The following CDH8 variants were observed in gnomAD, a reference collection of about 807,000 sequenced individuals.
The protein encoded by CDH8 is cadherin-8.
A neutral mutation model predicts 68.1 loss-of-function variants in CDH8; 17 were observed. The ratio of observed to expected loss-of-function variants is 0.25; its 90% CI spans 0.17 to 0.37. CDH8 has a LOEUF of 0.37. Ranked by LOEUF, CDH8 falls within the 10% of genes least tolerant of loss-of-function variation. The probability of loss-of-function intolerance (pLI) is 1.00; values close to 1 mark genes in which losing one functional copy is unlikely to be tolerated. For synonymous variants in CDH8, 372 were observed against 365.1 expected (o/e 1.02, Z -0.21); for missense variants, 763 against 999.3 (o/e 0.76, Z 3.19).
chr16:61,670,032 G>C (rs1280518785), intron 10 of CDH8, among the ~76,000 whole-genome samples: 1 of 151,892 alleles, frequency 6.6e-6, no homozygotes, highest in Non-Finnish European at 1.5e-5. Flanking sequence ...AGATTCAATC[G>C]TTCAATAATG....
At chr16:61,759,483 C>G (rs1030033627) in intron 8 of CDH8, among the ~76,000 whole-genome samples, 2 of 151,886 alleles carry the variant, frequency 1.3e-5, no homozygotes, top group Admixed American at 6.6e-5. Context: ...GGGAACAGAA[C>G]CAAGAGCCAT....
At chr16:61,932,264 CATATT>C (rs1269357011) in intron 2 of CDH8, among the ~76,000 whole-genome samples, 2 of 148,522 alleles carry the variant, frequency 1.3e-5, no homozygotes, top group African/African-American at 4.9e-5. Context: ...ATGACCATAA[CATATT>C]ATTAATTTAA....
intron 2 of CDH8, among the ~76,000 whole-genome samples, chr16:61,950,585 C>G (rs1281208838): frequency 6.6e-6 from 1 of 152,120 alleles, no homozygotes; most frequent in African/African-American, 2.4e-5. Flanking sequence ...TCTTAACTTT[C>G]CTTTGAAAAT....
At chr16:61,771,472 CAAAA>C (rs11355312) in intron 8 of CDH8, among the ~76,000 whole-genome samples, 3 of 62,264 alleles carry the variant, frequency 4.8e-5, no homozygotes, top group East Asian at 4.5e-4. Context: ...AAAAGCCAGC[CAAAA>C]AAAAAAAAAA....
rs529817119 is a variant in CDH8 at position 62,034,698 on chromosome 16, C to T, written c.-200+1382G>A. Among the ~76,000 whole-genome samples, 4 of 152,228 alleles carry T rather than the reference C, an allele frequency of 2.6e-5. No individual in the cohort carries two copies. In the South Asian group the frequency reaches 8.3e-4, roughly 32 times the overall value. On this transcript the variant is annotated intron_variant, in intron 1 of 11. Coordinates refer to ENST00000577390, the MANE Select transcript of CDH8 (RefSeq NM_001796.5). The stretch of plus-strand genomic sequence containing the variant: ...GCGCTAAGGGATTGTCGAATCATGC[C>T]TCCTAAGGAGGAAACTCTTGTGGAA...
chr16:61,779,012 G>A (rs1440870782), intron 8 of CDH8, among the ~76,000 whole-genome samples: 2 of 152,140 alleles, frequency 1.3e-5, no homozygotes. Flanking sequence ...TGTGCAGCCC[G>A]CTGTAGTGGG....
chr16:61,986,674 G>A (rs1383844348), intron 2 of CDH8, among the ~76,000 whole-genome samples: 2 of 152,152 alleles, frequency 1.3e-5, no homozygotes, highest in African/African-American at 4.8e-5. Flanking sequence ...GAGCAGAGGA[G>A]GGCAGGGAGT....
chr16:61,977,513 G>C (rs1510164), intron 2 of CDH8, among the ~76,000 whole-genome samples: 18,717 of 152,090 alleles, frequency 0.12, 1,734 homozygotes, highest in African/African-American at 0.25. Flanking sequence ...CTATAAAAGT[G>C]TGAGTCTGAG....
chr16:62,031,931 T>C (rs1902337414), intron 1 of CDH8: 1 of 152,160 alleles, frequency 6.6e-6, no homozygotes, highest in African/African-American at 2.4e-5. Context: ...GTTCAACTAA[T>C]TTTCTCTTCA....
intron 4 of CDH8, among the ~76,000 whole-genome samples, chr16:61,840,520 C>A (rs1174332906): frequency 6.6e-6 from 1 of 152,130 alleles, no homozygotes; most frequent in Non-Finnish European, 1.5e-5. Flanking sequence ...CTCAGTATTT[C>A]TAAATATTTT....
intron 1 of CDH8, 61 bp downstream of exon 1, chr16:62,036,019 C>A (rs937349098): frequency 6.6e-6 from 1 of 152,312 alleles, no homozygotes; most frequent in African/African-American, 2.4e-5. Flanking sequence ...CTATAAGAAA[C>A]GGTCCCTTCT....
chr16:61,874,439 C>T (rs1048762846), intron 3 of CDH8, among the ~76,000 whole-genome samples: 4 of 151,996 alleles, frequency 2.6e-5, no homozygotes, highest in African/African-American at 9.7e-5. Context: ...TCAGGCCATT[C>T]TCCTGCCTCA....
At chr16:61,912,405 T>C (rs1343548969) in intron 2 of CDH8, among the ~76,000 whole-genome samples, 1 of 152,076 alleles carries the variant, frequency 6.6e-6, no homozygotes, top group Admixed American at 6.6e-5. Context: ...TGCAGAAGCT[T>C]GTGACAAAAA....
intron 2 of CDH8, among the ~76,000 whole-genome samples, chr16:62,009,344 G>T (rs1393668356): frequency 5.3e-5 from 8 of 152,120 alleles, no homozygotes; most frequent in African/African-American, 1.9e-4. Flanking sequence ...TTTGGAAAAA[G>T]ACTTATAAAG....
chr16:61,718,104 C>T (rs543260520), intron 9 of CDH8, among the ~76,000 whole-genome samples: 1 of 151,410 alleles, frequency 6.6e-6, no homozygotes, highest in South Asian at 2.1e-4. Context: ...TGCCAGGCGT[C>T]CTCAAAACCT....
rs1333292377 is a variant in CDH8 at position 61,652,884 on chromosome 16, C to G, written c.*724G>C. The G allele has an allele frequency of 1.8e-5, 27 of 1,524,652 alleles. No individual in the cohort carries two copies. The Admixed American group carries it at 5.2e-4, about 30-fold the overall frequency. The allele number at this position is 1,524,652 out of a possible 1,614,324, so 94.4% of individuals were successfully genotyped here. On this transcript the variant is annotated 3_prime_UTR_variant, in exon 12 of 12. Coordinates refer to ENST00000577390, the MANE Select transcript of CDH8 (RefSeq NM_001796.5). ...GTGGAAGAAGATGAAGAGGAGGGAA[C>G]GAGGAATCCTGCTTCTAGAAAACAA...
At chr16:61,681,390 A>T (rs138150591) in intron 10 of CDH8, among the ~76,000 whole-genome samples, 1 of 152,048 alleles carries the variant, frequency 6.6e-6, no homozygotes, top group African/African-American at 2.4e-5. Flanking sequence ...AATGAGCCTC[A>T]AACTCACTAC....
intron 2 of CDH8, among the ~76,000 whole-genome samples, chr16:61,985,918 C>CTTTTTTTTTT (rs71134380): frequency 6.9e-4 from 63 of 91,112 alleles, no homozygotes; most frequent in African/African-American, 8.9e-4. Flanking sequence ...CCTTTCTTTA[C>CTTTTTTTTTT]TTTTTTTTTT....
At chr16:62,035,844 A>T (rs1448505692) in intron 1 of CDH8, among the ~76,000 whole-genome samples, 2 of 152,188 alleles carry the variant, frequency 1.3e-5, no homozygotes, top group Non-Finnish European at 2.9e-5. Context: ...ATCTGTTGTC[A>T]AAGCAGTTTG....
Sources: allele counts gnomAD v4.1 joint callset (sites outside exome capture counted in the v4.1 genomes callset), GRCh38; gene constraint gnomAD v4.1.1; transcripts MANE v1.5; gene names NCBI Gene and HGNC (gene_info 2026-07-23, HGNC 2026-07-21).